SLC30A7: variants seen among roughly 807,000 people sequenced by gnomAD.
SLC30A7 encodes the protein solute carrier family 30 member 7, also known as zinc transporter 7.
A neutral mutation model predicts 46.0 loss-of-function variants in SLC30A7; 35 were observed. That is an observed-to-expected ratio of 0.76 (90% CI 0.58 to 1.01). The LOEUF is 1.01. Ranked by LOEUF, SLC30A7 falls within the 50% of genes least tolerant of loss-of-function variation. The pLI, the probability that SLC30A7 is intolerant of heterozygous loss-of-function variation, is 0.00. For synonymous variants in SLC30A7, 147 were observed against 157.8 expected, an observed-to-expected ratio of 0.93 and a Z score of 0.51; for missense variants, 464 against 451.1, an observed-to-expected ratio of 1.03 and a Z score of -0.26.
At chr1:100,969,750 C>T (rs980817132) in intron 10 of SLC30A7, among the ~76,000 whole-genome samples, 3 of 152,170 alleles carry the variant, frequency 2.0e-5, no homozygotes, top group African/African-American at 4.8e-5. Flanking sequence ...TTCTTTGAGA[C>T]TTGCAGTGAA....
chr1:100,948,346 C>T lies in SLC30A7; in HGVS notation c.843-13482C>T, dbSNP rs553623694. 2.8e-3 allele frequency among the ~76,000 whole-genome samples: 421 copies of T among 152,320 alleles called. 4 individuals are homozygous for T. Among genetic ancestry groups the T allele is most frequent in the African/African-American group, 8.3e-3 (344 of 41,558 alleles). ...GAAATTCTGGGTTGAAAATTCTTTT[C>T]TTTAAGAAATTTAAATATTGGCCCC... On this transcript the variant is annotated intron_variant, in intron 8 of 10. Coordinates refer to ENST00000357650, the MANE Select transcript of SLC30A7 (RefSeq NM_133496.5).
chr1:100,912,729 A>G (rs1302841697), intron 5 of SLC30A7, among the ~76,000 whole-genome samples: 1 of 151,958 alleles, frequency 6.6e-6, no homozygotes, highest in Non-Finnish European at 1.5e-5. Flanking sequence ...AAAAAACAAA[A>G]AAAACAGGCA....
intron 6 of SLC30A7, among the ~76,000 whole-genome samples, chr1:100,914,829 C>T (rs574709144): frequency 6.6e-6 from 1 of 152,054 alleles, no homozygotes; most frequent in South Asian, 2.1e-4. Context: ...TGAAATTTTT[C>T]CATGAGGCAA....
chr1:100,976,491 G>C lies in SLC30A7; in HGVS notation c.*1634G>C, dbSNP rs1356586795. On this transcript the variant is annotated 3_prime_UTR_variant, in exon 11 of 11. Transcript: ENST00000357650. ...TTTGAAAAATAAAATTGCAATTCGA[G>C]ATAAGTGCTTGAGCACTCTACTTAA... 1.3e-5 allele frequency: 2 copies of C among 152,186 alleles called. No homozygotes were observed. The highest frequency in any genetic ancestry group is 2.4e-5 in the African/African-American group (1 of 41,442). 9.4% of individuals were successfully genotyped at this position (152,186 alleles called of 1,614,324 possible). A position where few individuals can be genotyped will look rare whatever the true frequency, so the allele number is the denominator to read the frequency against.
the SLC30A7 span, among the ~76,000 whole-genome samples, chr1:100,987,530 A>G: frequency 6.6e-4 from 100 of 152,250 alleles, no homozygotes; most frequent in African/African-American, 2.4e-3. Context: ...GGGTGAGAAT[A>G]TATATCTATA....
At chr1:100,941,720 C>T (rs571263662) in intron 8 of SLC30A7, 73 of 642,722 alleles carry the variant, frequency 1.1e-4, no homozygotes, top group African/African-American at 1.0e-3. Flanking sequence ...ACTCTTCCAT[C>T]CACCTTGTGT....
chr1:100,984,803 A>G (rs559175974), downstream of SLC30A7, among the ~76,000 whole-genome samples: 2 of 152,374 alleles, frequency 1.3e-5, no homozygotes, highest in South Asian at 4.1e-4. Context: ...CAGAAAATCA[A>G]TAGATGGTAA....
At chr1:100,964,391 C>A (rs1303938051) in intron 9 of SLC30A7, among the ~76,000 whole-genome samples, 2 of 128,698 alleles carry the variant, frequency 1.6e-5, no homozygotes, top group African/African-American at 6.5e-5. Flanking sequence ...GTTATATAAC[C>A]TATATATGTG....
intron 7 of SLC30A7, among the ~76,000 whole-genome samples, chr1:100,919,365 T>C (rs977637468): frequency 1.3e-5 from 2 of 152,208 alleles, no homozygotes; most frequent in African/African-American, 4.8e-5. Context: ...AGTCTGACTT[T>C]CTGAATGGCT....
intron 2 of SLC30A7, among the ~76,000 whole-genome samples, chr1:100,901,167 T>C (rs1173968592): frequency 1.3e-5 from 2 of 152,208 alleles, no homozygotes; most frequent in Non-Finnish European, 2.9e-5. Context: ...CTCATTAATA[T>C]CCAGCTAACG....
At chr1:100,990,403 T>G in the SLC30A7 span, 11 of 1,612,072 alleles carry the variant, frequency 6.8e-6, no homozygotes, top group African/African-American at 1.3e-5. Context: ...GGTAAATATC[T>G]ATGTTCAAAG....
intron 7 of SLC30A7, among the ~76,000 whole-genome samples, chr1:100,918,910 T>G (rs571729283): frequency 2.0e-5 from 3 of 152,154 alleles, no homozygotes; most frequent in African/African-American, 7.2e-5. Context: ...AATTCAAAAT[T>G]TGAAGTATAG....
chr1:100,961,898 C>A lies in SLC30A7; in HGVS notation c.913C>A (p.Leu305Met). Residue 305 changes from leucine (L) to methionine (M), a missense_variant, in exon 9 of 11, where the codon CTG (leucine) becomes ATG (methionine). Transcript: ENST00000357650. ...AACTCCTCCCCTATTAGAAAATAGTCTGCCTCAGTGCTATCAGAGGGTGAG... is the reference window on the plus strand; with the variant it reads ...AACTCCTCCCCTATTAGAAAATAGTATGCCTCAGTGCTATCAGAGGGTGAG... ...QRTPPLLENS[L>M]PQCYQRVQQL... 6.2e-7 allele frequency: 1 copy of A among 1,603,988 alleles called. No homozygotes were observed. Among genetic ancestry groups the A allele is most frequent in the South Asian group, 1.1e-5 (1 of 90,072 alleles).
intron 8 of SLC30A7, chr1:100,941,661 C>T: frequency 1.6e-6 from 1 of 622,070 alleles, no homozygotes; most frequent in Non-Finnish European, 3.0e-6. Context: ...GTTAAGTGGG[C>T]ACTGGTCTCT....
intron 3 of SLC30A7, among the ~76,000 whole-genome samples, chr1:100,909,724 A>G (rs1053073254): frequency 6.6e-6 from 1 of 152,110 alleles, no homozygotes; most frequent in African/African-American, 2.4e-5. Context: ...TAGCACACCT[A>G]CTAAGCTAGG....
the SLC30A7 span, among the ~76,000 whole-genome samples, chr1:100,993,058 T>C: frequency 2.0e-5 from 3 of 152,212 alleles, no homozygotes; most frequent in Non-Finnish European, 4.4e-5. Context: ...AGTGGCAATT[T>C]GGTCTATACT....
intron 8 of SLC30A7, among the ~76,000 whole-genome samples, chr1:100,948,449 A>T (rs1308586627): frequency 1.3e-5 from 2 of 152,092 alleles, no homozygotes; most frequent in African/African-American, 2.4e-5. Flanking sequence ...GGGTAACCCG[A>T]CCTTTCTCTC....
the SLC30A7 span, among the ~76,000 whole-genome samples, chr1:100,988,067 G>A: frequency 6.6e-6 from 1 of 152,072 alleles, no homozygotes; most frequent in African/African-American, 2.4e-5. Flanking sequence ...TTCCACCAAG[G>A]TCCTTGGAGT....
At chr1:100,983,375 C>CAAAAAAAAAAAAAAA (rs779529890), downstream of SLC30A7, among the ~76,000 whole-genome samples, 10 of 76,470 alleles carry the variant, frequency 1.3e-4, no homozygotes, top group African/African-American at 3.4e-4. Context: ...TACTTTGAGG[C>CAAAAAAAAAAAAAAA]AAAAAAAAAA....
Sources: allele counts gnomAD v4.1 joint callset (sites outside exome capture counted in the v4.1 genomes callset), GRCh38; gene constraint gnomAD v4.1.1; transcripts MANE v1.5; gene names NCBI Gene and HGNC (gene_info 2026-07-23, HGNC 2026-07-21).